Variants in FAM178B observed in about 807,000 individuals in gnomAD.
FAM178B encodes the protein protein FAM178B.
Under a neutral mutation model 91.7 loss-of-function variants are expected in FAM178B, and 82 were observed. That is an observed-to-expected ratio of 0.89 (90% CI 0.75 to 1.07). The LOEUF is 1.07. Ranked by LOEUF, FAM178B falls within the 50% of genes least tolerant of loss-of-function variation. The probability of loss-of-function intolerance (pLI) is 0.00; values close to 1 mark genes in which losing one functional copy is unlikely to be tolerated. For missense variants in FAM178B, 769 were observed against 846.7 expected, an observed-to-expected ratio of 0.91 and a Z score of 1.14; for synonymous variants, 368 against 359.4, an observed-to-expected ratio of 1.02 and a Z score of -0.27.
Position 96,902,739 on chromosome 2 carries a change from G to A in FAM178B, c.1563-32C>T, listed in dbSNP as rs1233483007. 6 of 1,514,448 alleles carry A rather than the reference G, an allele frequency of 4.0e-6. No individual in the cohort carries two copies. In the South Asian group the frequency reaches 7.2e-5, roughly 18 times the overall value. The allele number at this position is 1,514,448 out of a possible 1,614,324, so 93.8% of individuals were successfully genotyped here. On this transcript the variant is annotated intron_variant, in intron 12 of 16. Transcript: ENST00000490605. Reference sequence around the variant, plus strand: ...GAAAAGCGACAGCCTGAGAGAGGGTGTGCTGGAAGTCGGGGAGCCCGAGCA... The same window carrying A: ...GAAAAGCGACAGCCTGAGAGAGGGTATGCTGGAAGTCGGGGAGCCCGAGCA...
chr2:96,917,098 C>T (rs1307704136), intron 12 of FAM178B, among the ~76,000 whole-genome samples: 2 of 152,198 alleles, frequency 1.3e-5, no homozygotes, highest in Non-Finnish European at 2.9e-5. Context: ...GGTGCGGAAA[C>T]GGCGGGTACG....
chr2:96,883,923 GC>G (rs1195531256), intron 14 of FAM178B, among the ~76,000 whole-genome samples: 3 of 152,142 alleles, frequency 2.0e-5, no homozygotes, highest in Non-Finnish European at 4.4e-5. Flanking sequence ...GAAGCATTCT[GC>G]CTTGGTATCA....
rs573675502 is a variant in FAM178B, at chr2:96,880,600, AT to A, written c.1777-2108del. Among the ~76,000 whole-genome samples, 277 of 148,378 alleles carry A rather than the reference AT, an allele frequency of 1.9e-3. 1 individual carries two copies. Among genetic ancestry groups the A allele is most frequent in the Middle Eastern group, 3.6e-3 (1 of 278 alleles). On this transcript the variant is annotated intron_variant, in intron 14 of 16. Transcript: ENST00000490605. Reference sequence around the variant, plus strand: ...AATACAATGAGAGTTGGTTTAAAACATTTTTTTTTTTTGAGACGGAGTCTCG... The same window carrying A: ...AATACAATGAGAGTTGGTTTAAAACATTTTTTTTTTTGAGACGGAGTCTCG...
intron 5 of FAM178B, among the ~76,000 whole-genome samples, chr2:96,962,461 G>A (rs201588840): frequency 0.023 from 2,723 of 117,990 alleles, 73 homozygotes; most frequent in African/African-American, 0.074. Flanking sequence ...AAGAAAGAAA[G>A]AAAAAAAAGC....
At chr2:96,903,800 A>G (rs1303028884) in intron 12 of FAM178B, among the ~76,000 whole-genome samples, 1 of 152,206 alleles carries the variant, frequency 6.6e-6, no homozygotes, top group East Asian at 1.9e-4. Flanking sequence ...CTGAGGCAGG[A>G]ATGGCTTCCT....
chr2:96,912,186 C>T (rs961322630), intron 12 of FAM178B, among the ~76,000 whole-genome samples: 3 of 152,154 alleles, frequency 2.0e-5, no homozygotes, highest in African/African-American at 7.2e-5. Flanking sequence ...CCGGAGCCAG[C>T]AGGGTCCTTC....
chr2:96,923,830 G>A (rs896872866), intron 9 of FAM178B, among the ~76,000 whole-genome samples: 14 of 152,222 alleles, frequency 9.2e-5, no homozygotes, highest in Non-Finnish European at 2.1e-4. Flanking sequence ...GGTCACCTGA[G>A]CCTACAGGCT....
intron 13 of FAM178B, among the ~76,000 whole-genome samples, chr2:96,895,992 C>T (rs952530884): frequency 6.6e-5 from 10 of 152,152 alleles, no homozygotes; most frequent in Non-Finnish European, 1.5e-4. Flanking sequence ...AGGTTCTGGG[C>T]GAAGGGAGGC....
At chr2:96,886,203 A>G in intron 14 of FAM178B, among the ~76,000 whole-genome samples, 1 of 152,078 alleles carries the variant, frequency 6.6e-6, no homozygotes. Flanking sequence ...CCTGTCCCCT[A>G]CACTCAGACC....
intron 16 of FAM178B, 121 bp downstream of exon 16, chr2:96,877,769 C>A: frequency 1.0e-6 from 1 of 1,004,370 alleles, no homozygotes; most frequent in East Asian, 2.6e-5. Context: ...ATGCCCACTC[C>A]ACCCATATCC....
At chr2:96,986,174 G>A (rs972293622) in intron 1 of FAM178B, 67 bp downstream of exon 1, 25 of 1,530,530 alleles carry the variant, frequency 1.6e-5, no homozygotes, top group Non-Finnish European at 2.0e-5. Context: ...AGGAGTCCCA[G>A]GGAAGTCGAG....
At chr2:96,954,960 AGGACCTCTTGAGCCGGGAGTT>A (rs773451352) in intron 6 of FAM178B, among the ~76,000 whole-genome samples, 14 of 152,336 alleles carry the variant, frequency 9.2e-5, no homozygotes, top group African/African-American at 1.4e-4. Context: ...CCGAGGCAAG[AGGACCTCTTGAGCCGGGAGTT>A]GGAGGCTGCA....
At chr2:96,943,358 G>T (rs901462521) in intron 8 of FAM178B, among the ~76,000 whole-genome samples, 4 of 152,108 alleles carry the variant, frequency 2.6e-5, no homozygotes, top group Non-Finnish European at 5.9e-5. Context: ...GGACATTTCA[G>T]AATAGGCATG....
At chr2:96,926,540 G>A (rs982094752) in intron 9 of FAM178B, among the ~76,000 whole-genome samples, 12 of 152,218 alleles carry the variant, frequency 7.9e-5, no homozygotes, top group Admixed American at 2.6e-4. Context: ...GTGGGCATGA[G>A]CCCCTCTGAG....
At chr2:96,900,644 C>A (rs1158853422) in intron 13 of FAM178B, among the ~76,000 whole-genome samples, 2 of 152,158 alleles carry the variant, frequency 1.3e-5, no homozygotes, top group Non-Finnish European at 2.9e-5. Flanking sequence ...GTCAGGAAGG[C>A]CCCTTGCAGA....
chr2:96,949,887 C>A, intron 7 of FAM178B: 1 of 735,582 alleles, frequency 1.4e-6, no homozygotes, highest in Non-Finnish European at 1.7e-6. Context: ...GCCCATCAGG[C>A]CTGGCTCCGA....
chr2:96,964,126 G>C (rs1246738315), intron 5 of FAM178B, among the ~76,000 whole-genome samples: 1 of 151,060 alleles, frequency 6.6e-6, no homozygotes, highest in African/African-American at 2.4e-5. Context: ...GTTGCAGTGA[G>C]CCAAGATAAC....
Position 96,951,450 on chromosome 2 carries a change from T to C in FAM178B, c.922A>G (p.Ser308Gly). 1 of 1,551,286 alleles carries C rather than the reference T, an allele frequency of 6.4e-7. No homozygotes were observed. The highest frequency in any genetic ancestry group is 8.7e-7 in the Non-Finnish European group (1 of 1,146,932). ...PPAQQLSFLR[S>G]GLLNILYLHM... ...AGGTAGAGGATGTTCAGGAGGCCAC[T>C]GCGCAGGAAGGAGAGCTGTTGGGCT... Residue 308 changes from serine to glycine, a missense_variant, in exon 7 of 17, where the codon AGT (serine) becomes GGT (glycine). Coordinates refer to ENST00000490605, the MANE Select transcript of FAM178B (RefSeq NM_001122646.3).
chr2:96,931,614 G>A (rs1326239822), intron 8 of FAM178B, among the ~76,000 whole-genome samples: 2 of 152,006 alleles, frequency 1.3e-5, no homozygotes, highest in Admixed American at 6.5e-5. Context: ...CTGCGGGGTG[G>A]GGACTTCCGC....
Sources: gnomAD v4.1 joint callset for allele counts (sites outside exome capture counted in the v4.1 genomes callset) on GRCh38, gnomAD v4.1.1 for gene constraint, MANE v1.5 for transcripts, NCBI Gene and HGNC (gene_info 2026-07-23, HGNC 2026-07-21) for gene names.